Variants in HGS observed in about 807,000 individuals in gnomAD.
HGS encodes human growth factor-regulated tyrosine kinase substrate.
Under a neutral mutation model 109.7 loss-of-function variants are expected in HGS, and 63 were observed. That is an observed-to-expected ratio of 0.57 (90% confidence interval 0.47 to 0.71). The LOEUF (loss-of-function observed/expected upper bound fraction) is 0.71, where lower values mean the gene tolerates loss of function less well. Ranked by LOEUF, HGS falls within the 30% of genes least tolerant of loss-of-function variation. The pLI, the probability that HGS is intolerant of heterozygous loss-of-function variation, is 0.00. For missense variants in HGS, 995 were observed against 1,068.3 expected (o/e 0.93, Z 0.96); for synonymous variants, 546 against 437.3 (o/e 1.25, Z -3.10).
intron 2 of HGS, 48 bp downstream of exon 2, chr17:81,685,737 T>C: frequency 3.4e-6 from 5 of 1,469,106 alleles, no homozygotes; most frequent in Non-Finnish European, 4.7e-6. Flanking sequence ...AGCCGTGCAC[T>C]AAGCTGGGCT....
intron 21 of HGS, 110 bp downstream of exon 21, chr17:81,701,241 C>G: frequency 9.9e-7 from 1 of 1,009,672 alleles, no homozygotes; most frequent in South Asian, 1.4e-5. Flanking sequence ...CGTCTGCTCA[C>G]AGGGGGAGAC....
At chr17:81,685,765 G>T (rs918442075) in intron 2 of HGS, 76 bp downstream of exon 2, 1 of 1,125,626 alleles carries the variant, frequency 8.9e-7, no homozygotes, top group Admixed American at 1.9e-5. Flanking sequence ...TGCCCGTTGG[G>T]TCTCCACGAC....
At chr17:81,697,035 C>T (rs752898662) in intron 18 of HGS, 37 bp downstream of exon 18, 8 of 1,505,860 alleles carry the variant, frequency 5.3e-6, no homozygotes, top group Admixed American at 2.2e-5. Flanking sequence ...TGCCTTTTAT[C>T]CCTCGTCTTT....
Position 81,701,628 on chromosome 17 carries a change from T to C in HGS, c.*10T>C, listed in dbSNP as rs1402074673. 4.5e-6 allele frequency: 7 copies of C among 1,551,372 alleles called. No individual in the cohort carries two copies. The highest frequency in any genetic ancestry group is 6.1e-6 in the Non-Finnish European group (7 of 1,154,618). ...CATTTCATTCGACTGACCCAGGCCA[T>C]GCTCACGTCCGGAGTAACACTACAT... On this transcript the variant is annotated 3_prime_UTR_variant, in exon 22 of 22. Transcript: ENST00000329138.
chr17:81,697,012 G>A lies in HGS; in HGVS notation c.1882+14G>A, dbSNP rs200059378. ...GCACTGCGGCTGGTAAGGACGGGTC[G>A]GGGCAGAGACCATGCCTTTTATCCC... On this transcript the variant is annotated intron_variant, in intron 18 of 21. Coordinates refer to ENST00000329138, the MANE Select transcript of HGS (RefSeq NM_004712.5). 1.9e-5 allele frequency: 29 copies of A among 1,549,752 alleles called. No individual in the cohort carries two copies. The highest frequency in any genetic ancestry group is 2.3e-5 in the Non-Finnish European group (26 of 1,151,122).
chr17:81,691,691 AG>A lies in HGS; in HGVS notation c.662+121del. The A allele has an allele frequency of 2.2e-6, 3 of 1,335,678 alleles. 1 individual carries two copies. Among genetic ancestry groups the A allele is most frequent in the Non-Finnish European group, 3.1e-6 (3 of 955,654 alleles). 82.7% of individuals were successfully genotyped at this position (1,335,678 alleles called of 1,614,324 possible). On this transcript the variant is annotated intron_variant, in intron 8 of 21. Transcript: ENST00000329138. The surrounding 1 kb of genome is among the most constrained non-coding windows in gnomAD (Gnocchi z 5.3). Reference sequence around the variant, plus strand: ...CCCCAGAGGACCCTCACAGCACAGCAGCTGGAAGGTCAAGGGAAACCCAGGG... The same window carrying A: ...CCCCAGAGGACCCTCACAGCACAGCACTGGAAGGTCAAGGGAAACCCAGGG...
intron 10 of HGS, 53 bp from the exon 11 acceptor site, chr17:81,693,817 G>T: frequency 6.4e-7 from 1 of 1,559,294 alleles, no homozygotes; most frequent in South Asian, 1.2e-5. Context: ...CTGCGGTGGG[G>T]CCGGAGGGGC....
chr17:81,693,850 C>G lies in HGS; in HGVS notation c.841-20C>G. 6.3e-7 allele frequency: 1 copy of G among 1,590,856 alleles called. No individual in the cohort carries two copies. Among genetic ancestry groups the G allele is most frequent in the Non-Finnish European group, 8.5e-7 (1 of 1,169,692 alleles). On this transcript the variant is annotated intron_variant, in intron 10 of 21. Transcript: ENST00000329138. The stretch of plus-strand genomic sequence containing the variant: ...GGCGTCACGTGCACCCAAGTGACGC[C>G]CCTTCTGATTCTGCCTCAGAGACAG...
At chr17:81,688,884 GCTCAA>G in intron 5 of HGS, 57 bp downstream of exon 5, 1 of 1,608,076 alleles carries the variant, frequency 6.2e-7, no homozygotes, top group South Asian at 1.1e-5. Flanking sequence ...GGGCAGTCAG[GCTCAA>G]CGGGCACAGT....
At chr17:81,698,231 A>C (rs900334520) in intron 18 of HGS, 24 of 152,138 alleles carry the variant, frequency 1.6e-4, no homozygotes, top group African/African-American at 5.8e-4. Flanking sequence ...CGGGAAGTGG[A>C]GGTTGCAGTG....
At chr17:81,696,777 C>G in intron 17 of HGS, 30 bp downstream of exon 17, 1 of 1,602,766 alleles carries the variant, frequency 6.2e-7, no homozygotes, top group Non-Finnish European at 8.5e-7. Context: ...CACCCAGAGG[C>G]TTGTGGGCTG....
intron 1 of HGS, chr17:81,684,512 G>C (rs1206441213): frequency 5.5e-6 from 1 of 180,210 alleles, no homozygotes; most frequent in African/African-American, 2.4e-5. Context: ...GGCCTCGAAG[G>C]GTGGAGCCGG....
Position 81,696,373 on chromosome 17 carries a change from G to A in HGS, c.1410G>A (p.Leu470=), listed in dbSNP as rs1383123159. The A allele has an allele frequency of 6.3e-7, 1 of 1,586,874 alleles. No homozygotes were observed. Among genetic ancestry groups the A allele is most frequent in the East Asian group, 2.3e-5 (1 of 44,156 alleles). Residue 470 remains leucine (L), a synonymous_variant, in exon 16 of 22, where the codon CTG becomes CTA. Transcript: ENST00000329138. The stretch of plus-strand genomic sequence containing the variant: ...TGCCCACAGTGTACTATGAGGGGCT[G>A]CAGGACAAGCTGGCACAGATCCGCG... ...LDERRLYYEG[L]QDKLAQIRDA...
intron 10 of HGS, 28 bp downstream of exon 10, chr17:81,693,780 A>G: frequency 6.5e-7 from 1 of 1,541,960 alleles, no homozygotes; most frequent in East Asian, 2.3e-5. Context: ...GGGCGGCCTC[A>G]GGAGGGGCCC....
chr17:81,701,621 C>G lies in HGS; in HGVS notation c.*3C>G. On this transcript the variant is annotated 3_prime_UTR_variant, in exon 22 of 22. Coordinates refer to ENST00000329138, the MANE Select transcript of HGS (RefSeq NM_004712.5). ...CCCAGCTCATTTCATTCGACTGACCCAGGCCATGCTCACGTCCGGAGTAAC... is the reference window on the plus strand; with the variant it reads ...CCCAGCTCATTTCATTCGACTGACCGAGGCCATGCTCACGTCCGGAGTAAC... 6.4e-7 allele frequency: 1 copy of G among 1,558,560 alleles called. No homozygotes were observed. Among genetic ancestry groups the G allele is most frequent in the Non-Finnish European group, 8.6e-7 (1 of 1,158,520 alleles).
chr17:81,697,252 G>T (rs2037165927), intron 18 of HGS: 6 of 438,812 alleles, frequency 1.4e-5, no homozygotes, highest in Admixed American at 1.2e-4. Context: ...AAACCAGCAG[G>T]TGCTGGGCTG....
Position 81,691,614 on chromosome 17 carries a change from C to T in HGS, c.662+43C>T, listed in dbSNP as rs753603851. On this transcript the variant is annotated intron_variant, in intron 8 of 21. Transcript: ENST00000329138. This position sits in a 1 kb window ranked among gnomAD's most constrained non-coding sequence, Gnocchi z 5.3. ...ATTTGGGCTGCAGGTGGGGCAGGCT[C>T]TCCAGGCTGGGTTTTCTGTCCCTCT... 4 of 1,612,120 alleles carry T rather than the reference C, an allele frequency of 2.5e-6. No individual in the cohort carries two copies. In the Admixed American group the frequency reaches 6.7e-5, roughly 27 times the overall value.
intron 8 of HGS, among the ~76,000 whole-genome samples, chr17:81,693,286 T>A (rs1333627081): frequency 3.3e-5 from 5 of 152,232 alleles, no homozygotes; most frequent in Admixed American, 3.3e-4. Context: ...GGGCTTACCC[T>A]GAGGGACTCA....
intron 14 of HGS, 182 bp from the exon 15 acceptor site, chr17:81,695,604 G>T (rs963609632): frequency 1.7e-5 from 11 of 630,896 alleles, no homozygotes; most frequent in African/African-American, 1.6e-4. Context: ...AGGGCTTGCA[G>T]CTGGACAAGG....
Sources: allele counts gnomAD v4.1 joint callset (sites outside exome capture counted in the v4.1 genomes callset), GRCh38; gene constraint gnomAD v4.1.1; non-coding constraint Gnocchi (gnomAD v3.1); transcripts MANE v1.5; gene names NCBI Gene and HGNC (gene_info 2026-07-23, HGNC 2026-07-21).